Variants in CCDC152 observed in about 807,000 individuals in gnomAD.
CCDC152 encodes the protein coiled-coil domain containing 152.
In CCDC152, 37 loss-of-function variants were observed where a neutral mutation model predicts 38.1. The observed-to-expected ratio is 0.97, with a 90% CI of 0.75 to 1.28. The LOEUF (loss-of-function observed/expected upper bound fraction) is 1.28. CCDC152 is among the 50% of genes most tolerant of loss of function. The pLI is 0.00. For synonymous variants in CCDC152, 83 were observed against 87.1 expected (o/e 0.95, Z 0.26); for missense variants, 259 against 292.1 (o/e 0.89, Z 0.83).
At chr5:42,764,569 T>C (rs1691705342) in intron 3 of CCDC152, among the ~76,000 whole-genome samples, 1 of 152,222 alleles carries the variant, frequency 6.6e-6, no homozygotes, top group African/African-American at 2.4e-5. Flanking sequence ...TAGAAAGATC[T>C]TTCATCATGA....
At chr5:42,760,470 G>A (rs2111933787) in intron 2 of CCDC152, among the ~76,000 whole-genome samples, 1 of 152,146 alleles carries the variant, frequency 6.6e-6, no homozygotes, top group African/African-American at 2.4e-5. Flanking sequence ...TAAAAGCAAA[G>A]CCATTTAAAG....
chr5:42,795,101 A>G (rs1760056717), intron 6 of CCDC152, among the ~76,000 whole-genome samples: 1 of 152,216 alleles, frequency 6.6e-6, no homozygotes, highest in South Asian at 2.1e-4. Flanking sequence ...TGAATTTCCA[A>G]TTAAAAAAGA....
chr5:42,777,857 G>A (rs1407006015), intron 4 of CCDC152, among the ~76,000 whole-genome samples: 1 of 150,614 alleles, frequency 6.6e-6, no homozygotes, highest in Admixed American at 6.6e-5. Context: ...TCATTGTTTT[G>A]TTTAGCTAAT....
chr5:42,789,517 G>A (rs955664263), intron 6 of CCDC152, among the ~76,000 whole-genome samples: 10 of 151,970 alleles, frequency 6.6e-5, no homozygotes, highest in African/African-American at 2.2e-4. Context: ...ATTTTAATTT[G>A]GGTTTTGTAC....
intron 5 of CCDC152, 111 bp downstream of exon 5, chr5:42,779,633 G>A (rs1253661842): frequency 1.9e-6 from 1 of 532,754 alleles, no homozygotes; most frequent in African/African-American, 2.0e-5. Context: ...ATGTTTGTGG[G>A]TGTGTGTGTG....
chr5:42,760,320 A>G (rs992407199), intron 2 of CCDC152, among the ~76,000 whole-genome samples: 19 of 151,960 alleles, frequency 1.3e-4, no homozygotes, highest in Non-Finnish European at 1.9e-4. Flanking sequence ...AAAAAAAAAA[A>G]AAAGAAAGCC....
intron 6 of CCDC152, among the ~76,000 whole-genome samples, chr5:42,783,957 GTA>G (rs1759883309): frequency 1.3e-5 from 2 of 152,246 alleles, no homozygotes; most frequent in African/African-American, 4.8e-5. Context: ...ATTTCATGGT[GTA>G]TATATACCAC....
intron 6 of CCDC152, among the ~76,000 whole-genome samples, chr5:42,790,326 G>C (rs1759982336): frequency 6.6e-6 from 1 of 152,158 alleles, no homozygotes; most frequent in African/African-American, 2.4e-5. Flanking sequence ...AACATAATTA[G>C]TAGGTAGGGA....
chr5:42,796,207 A>C (rs1252100967), intron 6 of CCDC152, among the ~76,000 whole-genome samples: 1 of 151,750 alleles, frequency 6.6e-6, no homozygotes, highest in South Asian at 2.1e-4. Flanking sequence ...TAACCTGCAC[A>C]TGGTGCACAT....
At chr5:42,772,828 A>G (rs964993101) in intron 4 of CCDC152, among the ~76,000 whole-genome samples, 3 of 152,180 alleles carry the variant, frequency 2.0e-5, no homozygotes, top group Non-Finnish European at 4.4e-5. Context: ...CCAAGATAGT[A>G]TGATTAATCT....
rs1561282217 is a variant in CCDC152 at position 42,800,717 on chromosome 5, T to C, written c.*936T>C. On this transcript the variant is annotated 3_prime_UTR_variant, in exon 9 of 9. Coordinates refer to ENST00000361970, the MANE Select transcript of CCDC152 (RefSeq NM_001134848.2). ...ATTGGGGAGTATGTCCTATTTTAAATATTTAGTTTGAAGGTCATTCTCACT... is the reference window on the plus strand; with the variant it reads ...ATTGGGGAGTATGTCCTATTTTAAACATTTAGTTTGAAGGTCATTCTCACT... 1.9e-6 allele frequency: 3 copies of C among 1,593,612 alleles called. No individual in the cohort carries two copies. Among genetic ancestry groups the C allele is most frequent in the East Asian group, 2.2e-5 (1 of 44,446 alleles).
In CCDC152 at chr5:42,797,790, A is replaced by AT. The variant is rs568883127; in HGVS notation, c.558+844dup. Among the ~76,000 whole-genome samples the AT allele has an allele frequency of 5.9e-3, 887 of 149,524 alleles. 5 individuals carry two copies. Among genetic ancestry groups the AT allele is most frequent in the African/African-American group, 0.021 (855 of 40,936 alleles). Reference sequence around the variant, plus strand: ...GGGGCAAACAAACCAAATTCCTACAATTTTTTTTTTAAGGGACTTCTAATA... The same window carrying AT: ...GGGGCAAACAAACCAAATTCCTACAATTTTTTTTTTTAAGGGACTTCTAATA... On this transcript the variant is annotated intron_variant, in intron 7 of 8. Transcript: ENST00000361970.
At chr5:42,776,468 A>G (rs1230276126) in intron 4 of CCDC152, among the ~76,000 whole-genome samples, 4 of 152,234 alleles carry the variant, frequency 2.6e-5, no homozygotes, top group African/African-American at 9.6e-5. Context: ...GCAAGGAGAA[A>G]TAGATGAGTC....
At chr5:42,797,042 A>G (rs1760085680) in intron 7 of CCDC152, 86 bp downstream of exon 7, 1 of 1,059,760 alleles carries the variant, frequency 9.4e-7, no homozygotes, top group Non-Finnish European at 1.3e-6. Flanking sequence ...AGTGAGATAC[A>G]TTTTAGGATT....
At chr5:42,761,265 G>A (rs1205737107) in intron 2 of CCDC152, among the ~76,000 whole-genome samples, 1 of 152,196 alleles carries the variant, frequency 6.6e-6, no homozygotes, top group Non-Finnish European at 1.5e-5. Flanking sequence ...CTCAGTAAGA[G>A]ACTGGTTAAA....
In CCDC152 at chr5:42,788,383, C is replaced by T. The variant is rs192201850; in HGVS notation, c.430+4807C>T. On this transcript the variant is annotated intron_variant, in intron 6 of 8. Coordinates refer to ENST00000361970, the MANE Select transcript of CCDC152 (RefSeq NM_001134848.2). ...CAGCTAGAGAAAATAGCCAAATTAC[C>T]TATAAATGAAATCCAATCAGGCTAA... Among the ~76,000 whole-genome samples the T allele has an allele frequency of 3.5e-3, 527 of 151,910 alleles. 4 individuals are homozygous for T. Among genetic ancestry groups the T allele is most frequent in the Middle Eastern group, 0.017 (5 of 294 alleles).
intron 3 of CCDC152, among the ~76,000 whole-genome samples, chr5:42,766,578 C>T (rs1339489958): frequency 2.0e-5 from 3 of 152,044 alleles, no homozygotes; most frequent in Admixed American, 2.0e-4. Flanking sequence ...ATTATTCAAC[C>T]ATAAAAATGA....
chr5:42,781,353 T>C (rs1404143837), intron 5 of CCDC152, among the ~76,000 whole-genome samples: 2 of 152,142 alleles, frequency 1.3e-5, no homozygotes, highest in African/African-American at 4.8e-5. Context: ...TTCCTACAAG[T>C]TGCCTGGCAG....
chr5:42,770,810 A>AGTGTACAAGATTCTCACCTTCTTTG, intron 4 of CCDC152, among the ~76,000 whole-genome samples: 1 of 152,114 alleles, frequency 6.6e-6, no homozygotes, highest in East Asian at 1.9e-4. Flanking sequence ...TATTACTTTC[A>AGTGTACAAGATTCTCACCTTCTTTG]GTGTACAAGA....
Sources: gnomAD v4.1 joint callset for allele counts (sites outside exome capture counted in the v4.1 genomes callset) on GRCh38, gnomAD v4.1.1 for gene constraint, MANE v1.5 for transcripts, NCBI Gene and HGNC (gene_info 2026-07-23, HGNC 2026-07-21) for gene names.